POMZP3: variants seen among roughly 807,000 people sequenced by gnomAD.
The protein encoded by POMZP3 is POM121 and ZP3 fusion protein.
POMZP3 carries 10 observed loss-of-function variants against 19.8 expected under a neutral mutation model. That is an observed-to-expected ratio of 0.51 (90% CI 0.31 to 0.86). The LOEUF is 0.86. Among genes scored for constraint, POMZP3 ranks in the 40% least tolerant of loss-of-function variants. POMZP3 has a pLI of 0.04. For missense variants in POMZP3, 152 were observed against 228.1 expected (o/e 0.67, Z 2.15); for synonymous variants, 57 against 85.8 (o/e 0.66, Z 1.85).
intron 4 of POMZP3, among the ~76,000 whole-genome samples, chr7:76,614,858 CAA>C (rs59620004): frequency 2.1e-3 from 68 of 32,026 alleles, no homozygotes; most frequent in African/African-American, 6.3e-3. Context: ...AGACTCTGTC[CAA>C]AAAAAAAAAA....
In POMZP3 at chr7:76,627,278, T is replaced by C; in HGVS notation, c.-722A>G. The C allele has an allele frequency of 3.8e-6, 5 of 1,331,076 alleles. 1 individual carries two copies. Among genetic ancestry groups the C allele is most frequent in the South Asian group, 3.4e-5 (2 of 58,746 alleles). The allele number at this position is 1,331,076 out of a possible 1,614,324, so 82.5% of individuals were successfully genotyped here. A position where few individuals can be genotyped will look rare whatever the true frequency, so the allele number is the denominator to read the frequency against. On this transcript the variant is annotated 5_prime_UTR_variant, in exon 1 of 7. Transcript: ENST00000310842. ...CGCGGCTCCGCGCCGCGGAGGAGAC[T>C]TAAATATCCCAGCGTGCACCGCGCC...
chr7:76,624,642 C>T (rs1815760741), intron 3 of POMZP3, among the ~76,000 whole-genome samples: 1 of 147,592 alleles, frequency 6.8e-6, no homozygotes, highest in Admixed American at 6.8e-5. Context: ...GACGGGGTTT[C>T]ACCATGTTGG....
At chr7:76,610,853 C>T (rs1211053012) in intron 6 of POMZP3, among the ~76,000 whole-genome samples, 5 of 145,450 alleles carry the variant, frequency 3.4e-5, no homozygotes, top group Non-Finnish European at 7.5e-5. Context: ...ATAGGCACAA[C>T]CCACTGTTCT....
At position 76,623,055 on chromosome 7, in the gene POMZP3, A is replaced by G. The variant is rs540586023; in HGVS notation, c.227+2467T>C. Among the ~76,000 whole-genome samples, 12 of 151,758 alleles carry G rather than the reference A, an allele frequency of 7.9e-5. 1 individual carries two copies. The South Asian group carries it at 8.3e-4, about 11-fold the overall frequency. ...GGCTAATTTTCATATTTTGTTTGGTAGAGATGGAGTTGCACTATGTTGGCC... is the reference window on the plus strand; with the variant it reads ...GGCTAATTTTCATATTTTGTTTGGTGGAGATGGAGTTGCACTATGTTGGCC... On this transcript the variant is annotated intron_variant, in intron 3 of 6. Transcript: ENST00000310842.
chr7:76,625,745 G>C, intron 2 of POMZP3, 62 bp from the exon 3 acceptor site: 1 of 1,576,612 alleles, frequency 6.3e-7, no homozygotes. Flanking sequence ...TATCAGAAAT[G>C]GAAATCAGAA....
At chr7:76,620,786 A>G (rs1430442646) in intron 3 of POMZP3, among the ~76,000 whole-genome samples, 2 of 149,900 alleles carry the variant, frequency 1.3e-5, no homozygotes, top group Non-Finnish European at 3.0e-5. Flanking sequence ...CTTTCAAAAC[A>G]TGTTCCAAGG....
chr7:76,620,894 A>G (rs1385812860), intron 3 of POMZP3, among the ~76,000 whole-genome samples: 1 of 101,718 alleles, frequency 9.8e-6, no homozygotes, highest in Non-Finnish European at 1.9e-5. Context: ...TTTGAGACAG[A>G]GTCTCTCTGT....
At position 76,627,106 on chromosome 7, in the gene POMZP3, A is replaced by C. The variant is rs1278279997; in HGVS notation, c.-550T>G. On this transcript the variant is annotated 5_prime_UTR_variant, in exon 1 of 7. Coordinates refer to ENST00000310842, the MANE Select transcript of POMZP3 (RefSeq NM_012230.5). ...CCAGGCCGCGGTAGTCCCCACGGCCAGCCAGGCCAGCGCAGCCGCAGCAGG... is the reference window on the plus strand; with the variant it reads ...CCAGGCCGCGGTAGTCCCCACGGCCCGCCAGGCCAGCGCAGCCGCAGCAGG... 7.3e-7 allele frequency: 1 copy of C among 1,367,284 alleles called. No homozygotes were observed. Among genetic ancestry groups the C allele is most frequent in the African/African-American group, 1.5e-5 (1 of 66,574 alleles). 84.7% of individuals were successfully genotyped at this position (1,367,284 alleles called of 1,614,324 possible).
chr7:76,625,132 CAA>C (rs59816962), intron 3 of POMZP3, among the ~76,000 whole-genome samples: 15,489 of 52,084 alleles, frequency 0.3, 1,119 homozygotes, highest in Middle Eastern at 0.41. Context: ...GACTCCAACT[CAA>C]AAAAAAAAAA....
At position 76,610,229 on chromosome 7, in the gene POMZP3, A is replaced by C. The variant is rs781250048; in HGVS notation, c.*12-14T>G. 3 of 1,613,840 alleles carry C rather than the reference A, an allele frequency of 1.9e-6. No homozygotes were observed. The highest frequency in any genetic ancestry group is 8.5e-7 in the Non-Finnish European group (1 of 1,179,830). ...CTTCTTCTGTCACTGTGAAAGGAGA[A>C]CACACAACCAAGGGTCATCTTAGTC... On this transcript the variant is annotated splice_polypyrimidine_tract_variant and intron_variant, in intron 6 of 6. Coordinates refer to ENST00000310842, the MANE Select transcript of POMZP3 (RefSeq NM_012230.5).
rs56084078 is a variant in POMZP3 at position 76,620,861 on chromosome 7, A to ATTTTTTTTT, written c.228-2570_228-2562dup. ...GTTTACTCCTCAGGGCTGTAAAGCC[A>ATTTTTTTTT]TTTTTTTTTTTTTTTTTTTTTTTTT... On this transcript the variant is annotated intron_variant, in intron 3 of 6. Transcript: ENST00000310842. Among the ~76,000 whole-genome samples, 5 of 76,200 alleles carry ATTTTTTTTT rather than the reference A, an allele frequency of 6.6e-5. 1 individual carries two copies. In the East Asian group the frequency reaches 1.9e-3, roughly 29 times the overall value. 50.0% of individuals were successfully genotyped at this position (76,200 alleles called of 152,430 possible). A position where few individuals can be genotyped will look rare whatever the true frequency, so the allele number is the denominator to read the frequency against.
chr7:76,611,437 G>C lies in POMZP3; in HGVS notation c.*11+17C>G. 6.5e-7 allele frequency: 1 copy of C among 1,536,766 alleles called. No individual in the cohort carries two copies. The highest frequency in any genetic ancestry group is 8.8e-7 in the Non-Finnish European group (1 of 1,142,144). Reference sequence around the variant, plus strand: ...GTAAGGGACAATGAACAGCCTCTTGGCCATTCTATGACATACCATGCCTGC... The same window carrying C: ...GTAAGGGACAATGAACAGCCTCTTGCCCATTCTATGACATACCATGCCTGC... On this transcript the variant is annotated intron_variant, in intron 6 of 6. Coordinates refer to ENST00000310842, the MANE Select transcript of POMZP3 (RefSeq NM_012230.5).
Position 76,625,557 on chromosome 7 carries a change from G to A in POMZP3, c.192C>T (p.Asp64=), listed in dbSNP as rs768994874. ...KKKKRTVEEE[D]QIFLDGQENK... Reference sequence around the variant, plus strand: ...TTTCCTGGCCATCAAGGAATATTTGGTCTTCTTCCTCCACTGTCCTTTTCT... The same window carrying A: ...TTTCCTGGCCATCAAGGAATATTTGATCTTCTTCCTCCACTGTCCTTTTCT... The change falls in exon 3 of 7, where the codon GAC becomes GAT. Residue 64 remains aspartate, a synonymous_variant. Coordinates refer to ENST00000310842, the MANE Select transcript of POMZP3 (RefSeq NM_012230.5). 18 of 1,613,274 alleles carry A rather than the reference G, an allele frequency of 1.1e-5. No homozygotes were observed. The East Asian group carries it at 2.5e-4, about 22-fold the overall frequency.
chr7:76,621,647 G>C (rs938849869), intron 3 of POMZP3, among the ~76,000 whole-genome samples: 1 of 151,714 alleles, frequency 6.6e-6, no homozygotes, highest in Non-Finnish European at 1.5e-5. Context: ...TGATAAAACA[G>C]GTTGCAGTGA....
chr7:76,619,433 C>G (rs985735796), intron 3 of POMZP3, among the ~76,000 whole-genome samples: 19 of 151,110 alleles, frequency 1.3e-4, no homozygotes, highest in African/African-American at 4.7e-4. Flanking sequence ...TCCTCTCTGG[C>G]AGTATCCCCA....
At position 76,610,879 on chromosome 7, in the gene POMZP3, A is replaced by T. The variant is rs576756418; in HGVS notation, c.*11+575T>A. Among the ~76,000 whole-genome samples, 1,256 of 143,736 alleles carry T rather than the reference A, an allele frequency of 8.7e-3. 41 individuals carry two copies. The highest frequency in any genetic ancestry group is 0.063 in the Admixed American group (911 of 14,490). 94.3% of individuals were successfully genotyped at this position (143,736 alleles called of 152,430 possible). ...CCACTGTTCTGGCCAGATTATTATTATTTTTTTTTTTTGAGAGACAGTTTT... is the reference window on the plus strand; with the variant it reads ...CCACTGTTCTGGCCAGATTATTATTTTTTTTTTTTTTTGAGAGACAGTTTT... On this transcript the variant is annotated intron_variant, in intron 6 of 6. Transcript: ENST00000310842.
chr7:76,620,367 G>A lies in POMZP3; in HGVS notation c.228-2067C>T, dbSNP rs1311401774. On this transcript the variant is annotated intron_variant, in intron 3 of 6. Coordinates refer to ENST00000310842, the MANE Select transcript of POMZP3 (RefSeq NM_012230.5). ...AAAAAAGGACAACACGTGGGGGTGG[G>A]GTATGGGGTAGAGGGTATTTGCAAA... 1.0e-4 allele frequency among the ~76,000 whole-genome samples: 11 copies of A among 109,494 alleles called. 1 individual carries two copies. Among genetic ancestry groups the A allele is most frequent in the Admixed American group, 7.3e-4 (8 of 10,938 alleles). 71.8% of individuals were successfully genotyped at this position (109,494 alleles called of 152,430 possible).
chr7:76,626,037 T>A lies in POMZP3; in HGVS notation c.28A>T (p.Ile10Phe). The A allele has an allele frequency of 6.2e-7, 1 of 1,613,762 alleles. No homozygotes were observed. Among genetic ancestry groups the A allele is most frequent in the Non-Finnish European group, 8.5e-7 (1 of 1,179,726 alleles). MVCSPVTLR[I>F]APPDRRFSRS... ...GAAAATCTTCTGTCAGGAGGGGCGA[T>A]CCTCAGAGTCACTGGGCTACACACC... is the stretch of plus-strand genomic sequence containing the variant. The change falls in exon 2 of 7, where the codon ATC (isoleucine) becomes TTC (phenylalanine). Residue 10 changes from isoleucine (I) to phenylalanine (F), a missense_variant. Ile to Phe is a conservative substitution (Grantham distance 21). Transcript: ENST00000310842.
At chr7:76,624,838 A>G (rs967434007) in intron 3 of POMZP3, among the ~76,000 whole-genome samples, 1 of 151,564 alleles carries the variant, frequency 6.6e-6, no homozygotes, top group Non-Finnish European at 1.5e-5. Flanking sequence ...CAATTAAGAC[A>G]CTAGAACTGG....
Sources: gnomAD v4.1 joint callset for allele counts (sites outside exome capture counted in the v4.1 genomes callset) on GRCh38, gnomAD v4.1.1 for gene constraint, MANE v1.5 for transcripts, NCBI Gene and HGNC (gene_info 2026-07-23, HGNC 2026-07-21) for gene names.